Variants in TTK observed in about 807,000 individuals in gnomAD.
TTK encodes TTK protein kinase.
Under a neutral mutation model 117.3 loss-of-function variants are expected in TTK, and 59 were observed. The observed-to-expected ratio is 0.50, with a 90% confidence interval of 0.41 to 0.62. The LOEUF (loss-of-function observed/expected upper bound fraction) is 0.62. TTK is among the 20% of genes least tolerant of loss of function. The pLI, the probability that TTK is intolerant of heterozygous loss-of-function variation, is 0.00. For synonymous variants in TTK, 302 were observed against 325.0 expected (o/e 0.93, Z 0.76); for missense variants, 921 against 989.4 (o/e 0.93, Z 0.93).
At chr6:80,026,298 A>G in intron 11 of TTK, 80 bp from the exon 12 acceptor site, 2 of 1,414,534 alleles carry the variant, frequency 1.4e-6, no homozygotes, top group Non-Finnish European at 1.9e-6. Flanking sequence ...TTTTATTTTA[A>G]AAGTTATAAT....
intron 11 of TTK, among the ~76,000 whole-genome samples, chr6:80,024,216 T>G (rs1307033279): frequency 6.6e-6 from 1 of 152,230 alleles, no homozygotes; most frequent in Non-Finnish European, 1.5e-5. Flanking sequence ...TTCAAAAGGT[T>G]AAACGTAGCT....
At chr6:80,018,960 T>G (rs1484948109) in intron 10 of TTK, among the ~76,000 whole-genome samples, 1 of 152,212 alleles carries the variant, frequency 6.6e-6, no homozygotes, top group Non-Finnish European at 1.5e-5. Context: ...TTATATATTT[T>G]CCGTCTCTAT....
intron 10 of TTK, among the ~76,000 whole-genome samples, chr6:80,020,773 A>AG (rs1303212118): frequency 6.6e-6 from 1 of 152,214 alleles, no homozygotes; most frequent in Admixed American, 6.5e-5. Flanking sequence ...TTTCTTCCCT[A>AG]GCGGGGAGAG....
intron 11 of TTK, among the ~76,000 whole-genome samples, chr6:80,023,464 G>C (rs1767520546): frequency 6.6e-6 from 1 of 151,914 alleles, no homozygotes; most frequent in African/African-American, 2.4e-5. Context: ...GTGGTGGTGG[G>C]CGCCTGTAGT....
chr6:80,040,423 T>C lies in TTK; in HGVS notation c.2392+143T>C, dbSNP rs546154207. ...CTTAAGGAAGTTCCATTATTATAAA[T>C]AGTAAAGTAAATAAACTTTTTTTTC... On this transcript the variant is annotated intron_variant, in intron 20 of 21. Transcript: ENST00000369798. 3 of 920,190 alleles carry C rather than the reference T, an allele frequency of 3.3e-6. No individual in the cohort carries two copies. The South Asian group carries it at 6.3e-5, about 19-fold the overall frequency. 57.0% of individuals were successfully genotyped at this position (920,190 alleles called of 1,614,324 possible). A position where few individuals can be genotyped will look rare whatever the true frequency, so the allele number is the denominator to read the frequency against.
rs769500694 is a variant in TTK, at chr6:80,036,470, TA to T, written c.1925-2del. The T allele has an allele frequency of 1.4e-4, 221 of 1,594,082 alleles. 2 individuals are homozygous for T. Among genetic ancestry groups the T allele is most frequent in the South Asian group, 5.6e-4 (49 of 86,924 alleles). On this transcript the variant is annotated splice_polypyrimidine_tract_variant and splice_region_variant and intron_variant, in intron 16 of 21. Transcript: ENST00000369798. Reference sequence around the variant, plus strand: ...TTAATATTACAGTGGATTTTTATTTTAAAGGCATTGTTCACAGTGATCTTAA... The same window carrying T: ...TTAATATTACAGTGGATTTTTATTTTAAGGCATTGTTCACAGTGATCTTAA...
intron 12 of TTK, among the ~76,000 whole-genome samples, chr6:80,027,573 A>G (rs1582104842): frequency 1.3e-5 from 2 of 152,318 alleles, no homozygotes; most frequent in East Asian, 3.9e-4. Context: ...CTCAAAATCT[A>G]TGGCCGGCCA....
chr6:80,035,226 G>T (rs772600311), intron 15 of TTK, 40 bp from the exon 16 acceptor site: 4 of 1,552,330 alleles, frequency 2.6e-6, no homozygotes, highest in African/African-American at 2.8e-5. Flanking sequence ...ATATAACCTA[G>T]CCATTTATTG....
intron 12 of TTK, among the ~76,000 whole-genome samples, chr6:80,026,911 G>A (rs1339059464): frequency 6.6e-6 from 1 of 152,176 alleles, no homozygotes; most frequent in Non-Finnish European, 1.5e-5. Context: ...TAATTGGAAA[G>A]TGATAGCTTC....
At chr6:80,020,856 G>C (rs1322592358) in intron 10 of TTK, among the ~76,000 whole-genome samples, 1 of 152,186 alleles carries the variant, frequency 6.6e-6, no homozygotes, top group Admixed American at 6.5e-5. Flanking sequence ...CTTGGAAAGA[G>C]GGATAACGCT....
chr6:80,007,710 A>G (rs1263091101), intron 2 of TTK, 99 bp from the exon 3 acceptor site: 4 of 923,614 alleles, frequency 4.3e-6, no homozygotes, highest in Non-Finnish European at 1.6e-6. Flanking sequence ...GTACATTGAT[A>G]CTGACAGTAC....
intron 2 of TTK, 132 bp downstream of exon 2, chr6:80,006,114 T>G: frequency 8.0e-7 from 1 of 1,255,588 alleles, no homozygotes; most frequent in Non-Finnish European, 1.1e-6. Context: ...GAATGCAGGC[T>G]ACATGATGGC....
intron 10 of TTK, among the ~76,000 whole-genome samples, chr6:80,016,356 C>G (rs1422528814): frequency 6.6e-6 from 1 of 152,150 alleles, no homozygotes; most frequent in Non-Finnish European, 1.5e-5. Flanking sequence ...TGCTCCTGTT[C>G]TTTGCAATCA....
intron 10 of TTK, among the ~76,000 whole-genome samples, chr6:80,019,163 G>T (rs1372932951): frequency 1.3e-5 from 2 of 152,118 alleles, no homozygotes; most frequent in Non-Finnish European, 2.9e-5. Context: ...TATTGTTGAG[G>T]CGTTTTGTTT....
intron 17 of TTK, 58 bp downstream of exon 17, chr6:80,036,657 G>C: frequency 6.7e-7 from 1 of 1,502,924 alleles, no homozygotes; most frequent in Non-Finnish European, 8.9e-7. Context: ...TACCTGTGAA[G>C]TATTATATTG....
At chr6:80,039,387 A>T (rs1582116789) in intron 18 of TTK, among the ~76,000 whole-genome samples, 1 of 4,730 alleles carries the variant, frequency 2.1e-4, no homozygotes, top group East Asian at 0.25. Context: ...AATTCTGGGG[A>T]AAACAAACTT....
chr6:80,033,545 C>T (rs1767812805), intron 14 of TTK, among the ~76,000 whole-genome samples: 1 of 152,204 alleles, frequency 6.6e-6, no homozygotes, highest in African/African-American at 2.4e-5. Flanking sequence ...GCATCCAGAA[C>T]AGTACCTAGA....
chr6:80,016,247 G>A (rs1275321643), intron 10 of TTK, among the ~76,000 whole-genome samples: 1 of 152,210 alleles, frequency 6.6e-6, no homozygotes, highest in Non-Finnish European at 1.5e-5. Flanking sequence ...GAGTGGGATT[G>A]TTGGGTTACA....
chr6:80,011,547 G>T lies in TTK; in HGVS notation c.727G>T (p.Gly243Ter). The T allele has an allele frequency of 6.3e-7, 1 of 1,595,804 alleles. No homozygotes were observed. Among genetic ancestry groups the T allele is most frequent in the South Asian group, 1.1e-5 (1 of 86,960 alleles). Residue 243 changes from glycine to a stop codon, truncating the protein, a stop_gained and splice_region_variant, in exon 6 of 22, where the codon GGA becomes TGA. Coordinates refer to ENST00000369798, the MANE Select transcript of TTK (RefSeq NM_003318.5). LOFTEE classifies it high-confidence loss of function. Reference protein sequence around the residue: ...GQTTKARFLYGENMPPQDAEI... With the variant: ...GQTTKARFLY ...GACTACTAAAGCCAGGTTTTTATAT[G>T]GGTAAGGAAACGGAAACAGTTTTTA...
Sources: allele counts gnomAD v4.1 joint callset (sites outside exome capture counted in the v4.1 genomes callset), GRCh38; gene constraint gnomAD v4.1.1; transcripts MANE v1.5; gene names NCBI Gene and HGNC (gene_info 2026-07-23, HGNC 2026-07-21).